The following TUSC3 variants were observed in gnomAD, a reference collection of about 807,000 sequenced individuals.
The protein encoded by TUSC3 is dolichyl-diphosphooligosaccharide--protein glycosyltransferase subunit TUSC3.
Under a neutral mutation model 44.8 loss-of-function variants are expected in TUSC3, and 45 were observed. That is an observed-to-expected ratio of 1.00 (90% CI 0.79 to 1.29). The LOEUF is 1.29. Ranked by LOEUF, TUSC3 falls within the 50% of genes most tolerant of loss-of-function variation. The pLI is 0.00. For missense variants in TUSC3, 519 were observed against 437.9 expected (o/e 1.19, Z -1.65); for synonymous variants, 212 against 152.9 (o/e 1.39, Z -2.85).
intron 1 of TUSC3, among the ~76,000 whole-genome samples, chr8:15,428,358 C>G (rs1799831645): frequency 1.3e-5 from 2 of 151,884 alleles, no homozygotes; most frequent in Non-Finnish European, 2.9e-5. Flanking sequence ...TTTTCTTAAT[C>G]CAGTCTATCA....
chr8:15,696,689 T>C (rs762385782), intron 6 of TUSC3, among the ~76,000 whole-genome samples: 2 of 152,220 alleles, frequency 1.3e-5, no homozygotes, highest in Non-Finnish European at 2.9e-5. Flanking sequence ...TTGGGTTCAG[T>C]TAGCTAGCAT....
intron 1 of TUSC3, among the ~76,000 whole-genome samples, chr8:15,588,266 A>T (rs948523230): frequency 6.6e-6 from 1 of 151,958 alleles, no homozygotes; most frequent in Non-Finnish European, 1.5e-5. Flanking sequence ...CTGGGATTAG[A>T]TGTTATCTCA....
At chr8:15,444,171 G>A (rs1347628608) in intron 1 of TUSC3, among the ~76,000 whole-genome samples, 3 of 152,192 alleles carry the variant, frequency 2.0e-5, no homozygotes, top group Admixed American at 6.5e-5. Context: ...TACTCCAGCT[G>A]CAGTATATGA....
At chr8:15,519,462 C>A (rs1358515155) in intron 2 of TUSC3, among the ~76,000 whole-genome samples, 1 of 152,228 alleles carries the variant, frequency 6.6e-6, no homozygotes, top group Admixed American at 6.5e-5. Flanking sequence ...CAGACCAGTA[C>A]CAGTCCTTGG....
intron 7 of TUSC3, among the ~76,000 whole-genome samples, chr8:15,739,123 G>A (rs568595705): frequency 4.7e-4 from 72 of 151,932 alleles, no homozygotes; most frequent in Admixed American, 4.1e-3. Context: ...GAGCCACTGC[G>A]CCTGGCCTCT....
intron 2 of TUSC3, among the ~76,000 whole-genome samples, chr8:15,497,398 A>T (rs1259543162): frequency 2.0e-5 from 3 of 152,212 alleles, no homozygotes; most frequent in Non-Finnish European, 4.4e-5. Flanking sequence ...TCTTGCCCTG[A>T]AGGAGACACT....
chr8:15,539,297 G>T (rs933203631), upstream of TUSC3, among the ~76,000 whole-genome samples: 1 of 150,046 alleles, frequency 6.7e-6, no homozygotes, highest in African/African-American at 2.4e-5. Context: ...GCATTAGAAC[G>T]GATCAGGCCC....
In TUSC3 at chr8:15,766,185, A is replaced by T. The variant is rs974106740; in HGVS notation, c.*2029A>T. The T allele has an allele frequency of 3.3e-5, 5 of 152,070 alleles. No homozygotes were observed. Among genetic ancestry groups the T allele is most frequent in the Non-Finnish European group, 5.9e-5 (4 of 67,970 alleles). The allele number at this position is 152,070 out of a possible 1,614,324, so 9.4% of individuals were successfully genotyped here. On this transcript the variant is annotated 3_prime_UTR_variant, in exon 11 of 11. Coordinates refer to ENST00000503731, the MANE Select transcript of TUSC3 (RefSeq NM_006765.4). The stretch of plus-strand genomic sequence containing the variant: ...TTTTTTTCAGAATTTCATGCTTTAA[A>T]AAGCTGTGGCTTCTCTATAGACAAC...
At chr8:15,779,824 A>T in the TUSC3 span, among the ~76,000 whole-genome samples, 1 of 152,178 alleles carries the variant, frequency 6.6e-6, no homozygotes, top group East Asian at 1.9e-4. Context: ...AACTCTCACC[A>T]AACTAGGCAG....
Position 15,758,527 on chromosome 8 carries a change from A to C in TUSC3, c.*46+672A>C, listed in dbSNP as rs917168905. Among the ~76,000 whole-genome samples, 10 of 152,148 alleles carry C rather than the reference A, an allele frequency of 6.6e-5. 1 individual carries two copies. The Middle Eastern group carries it at 0.014, about 207-fold the overall frequency. On this transcript the variant is annotated intron_variant, in intron 10 of 10. Coordinates refer to ENST00000503731, the MANE Select transcript of TUSC3 (RefSeq NM_006765.4). ...CAGAGAACACAGGGTCTAGGCTAAC[A>C]CATCAAAAGCAGCTCTGGAGACTTA...
chr8:15,838,925 T>A, the TUSC3 span, among the ~76,000 whole-genome samples: 96 of 152,268 alleles, frequency 6.3e-4, no homozygotes, highest in Admixed American at 2.2e-3. Context: ...GGGGATGGCA[T>A]TGAATCTATA....
intron 6 of TUSC3, among the ~76,000 whole-genome samples, chr8:15,686,432 T>G (rs979063393): frequency 3.3e-5 from 5 of 152,144 alleles, no homozygotes; most frequent in Admixed American, 1.3e-4. Flanking sequence ...TGCATGCACA[T>G]GCAGAACATT....
chr8:15,482,055 C>G (rs977807984), intron 1 of TUSC3, among the ~76,000 whole-genome samples: 7 of 152,180 alleles, frequency 4.6e-5, no homozygotes, highest in Non-Finnish European at 1.0e-4. Flanking sequence ...TTGTTGTCAT[C>G]TCAACAATGT....
At chr8:15,806,223 A>G in the TUSC3 span, 2 of 536,610 alleles carry the variant, frequency 3.7e-6, no homozygotes, top group East Asian at 4.0e-5. Flanking sequence ...AATGGCTTCA[A>G]TAACATTTTG....
At chr8:15,590,005 A>G (rs1438051423) in intron 1 of TUSC3, among the ~76,000 whole-genome samples, 3 of 152,210 alleles carry the variant, frequency 2.0e-5, no homozygotes, top group Non-Finnish European at 2.9e-5. Context: ...CTGTAATTTC[A>G]TAATGCTTCT....
At chr8:15,421,013 T>C (rs912495362) in intron 1 of TUSC3, among the ~76,000 whole-genome samples, 2 of 152,190 alleles carry the variant, frequency 1.3e-5, no homozygotes, top group Non-Finnish European at 2.9e-5. Context: ...TTCCCAAGAC[T>C]TCTGTCTTGA....
downstream of TUSC3, among the ~76,000 whole-genome samples, chr8:15,767,321 C>G (rs1293373632): frequency 6.6e-6 from 1 of 151,838 alleles, no homozygotes; most frequent in Non-Finnish European, 1.5e-5. Flanking sequence ...AAAATCATGT[C>G]ACATTTACCC....
chr8:15,426,944 A>C (rs549686163), intron 1 of TUSC3, among the ~76,000 whole-genome samples: 19 of 152,270 alleles, frequency 1.2e-4, no homozygotes, highest in Admixed American at 1.1e-3. Context: ...TGTAGCTTTC[A>C]TTTGCATTTC....
chr8:15,683,383 A>G (rs1490038521), intron 6 of TUSC3, among the ~76,000 whole-genome samples: 1 of 151,970 alleles, frequency 6.6e-6, no homozygotes, highest in African/African-American at 2.4e-5. Flanking sequence ...GGTTGATTTG[A>G]AGGAGTGATG....
Sources: allele counts gnomAD v4.1 joint callset (sites outside exome capture counted in the v4.1 genomes callset), GRCh38; gene constraint gnomAD v4.1.1; transcripts MANE v1.5; gene names NCBI Gene and HGNC (gene_info 2026-07-23, HGNC 2026-07-21).